SIAE: variants seen among roughly 807,000 people sequenced by gnomAD.
SIAE encodes sialate O-acetylesterase.
In SIAE, 39 loss-of-function variants were observed where a neutral mutation model predicts 52.6. That is an observed-to-expected ratio of 0.74 (90% CI 0.57 to 0.97). SIAE has a LOEUF of 0.97. SIAE is among the 50% of genes least tolerant of loss of function. SIAE has a pLI of 0.00. For synonymous variants in SIAE, 233 were observed against 241.4 expected, an observed-to-expected ratio of 0.97 and a Z score of 0.32; for missense variants, 592 against 662.1, an observed-to-expected ratio of 0.89 and a Z score of 1.16.
intron 4 of SIAE, chr11:124,654,347 G>A: frequency 1.0e-6 from 1 of 985,420 alleles, no homozygotes; most frequent in Non-Finnish European, 1.2e-6. Flanking sequence ...AGGGAAGAAA[G>A]AAGAGAGGAT....
chr11:124,644,369 A>C (rs1038079828), intron 7 of SIAE, among the ~76,000 whole-genome samples: 1 of 151,688 alleles, frequency 6.6e-6, no homozygotes, highest in Non-Finnish European at 1.5e-5. Context: ...AAAAAAAAAA[A>C]AAAAACTAGC....
Position 124,639,767 on chromosome 11 carries a change from G to A in SIAE, c.1067C>T (p.Pro356Leu), listed in dbSNP as rs1412618526. Reference sequence around the variant, plus strand: ...CATAGCTACAGCCATGAAAGTATTGGGCATCTTTGGGTTGGGGACATAGCC... The same window carrying A: ...CATAGCTACAGCCATGAAAGTATTGAGCATCTTTGGGTTGGGGACATAGCC... ...DFGYVPNPKM[P>L]NTFMAVAMDL... is the part of the protein sequence containing the mutation. The change falls in exon 8 of 10, where the codon CCC becomes CTC. Residue 356 changes from proline (P) to leucine (L), a missense_variant. Pro to Leu is a moderately conservative substitution (Grantham distance 98). Coordinates refer to ENST00000263593, the MANE Select transcript of SIAE (RefSeq NM_170601.5). The A allele has an allele frequency of 1.2e-5, 19 of 1,614,002 alleles. No homozygotes were observed. The highest frequency in any genetic ancestry group is 2.7e-5 in the African/African-American group (2 of 74,912).
chr11:124,663,748 G>A (rs1196238686), intron 2 of SIAE, among the ~76,000 whole-genome samples: 1 of 152,162 alleles, frequency 6.6e-6, no homozygotes, highest in Non-Finnish European at 1.5e-5. Flanking sequence ...TTCAGGACTG[G>A]TTGGTTGAAA....
At chr11:124,654,211 G>A (rs1943060659) in intron 4 of SIAE, 1 of 984,500 alleles carries the variant, frequency 1.0e-6, no homozygotes, top group Non-Finnish European at 1.2e-6. Flanking sequence ...GAAATGGAGA[G>A]CTCATGCTGA....
At chr11:124,640,338 A>C (rs1409137513) in intron 7 of SIAE, among the ~76,000 whole-genome samples, 1 of 152,206 alleles carries the variant, frequency 6.6e-6, no homozygotes, top group Non-Finnish European at 1.5e-5. Context: ...GTGTTCCAGC[A>C]ATCACAGATA....
chr11:124,665,754 G>A (rs1327119664), intron 2 of SIAE, among the ~76,000 whole-genome samples: 1 of 151,732 alleles, frequency 6.6e-6, no homozygotes, highest in African/African-American at 2.4e-5. Flanking sequence ...GGCAGGCAAA[G>A]GTTGCAGTGA....
rs574997911 is a variant in SIAE at position 124,636,335 on chromosome 11, A to C, written c.*616T>G. On this transcript the variant is annotated 3_prime_UTR_variant, in exon 10 of 10. Transcript: ENST00000263593. Reference sequence around the variant, plus strand: ...AAAGAGATCTGTCTTCAATTATCTGATAGTAGTAAAGTTTCACGGGAGAAA... The same window carrying C: ...AAAGAGATCTGTCTTCAATTATCTGCTAGTAGTAAAGTTTCACGGGAGAAA... 6.3e-6 allele frequency: 1 copy of C among 157,514 alleles called. No individual in the cohort carries two copies. Among genetic ancestry groups the C allele is most frequent in the African/African-American group, 2.4e-5 (1 of 41,596 alleles). The allele number at this position is 157,514 out of a possible 1,614,324, so 9.8% of individuals were successfully genotyped here. A position where few individuals can be genotyped will look rare whatever the true frequency, so the allele number is the denominator to read the frequency against.
At chr11:124,640,912 C>T (rs1273086223) in intron 7 of SIAE, among the ~76,000 whole-genome samples, 1 of 152,158 alleles carries the variant, frequency 6.6e-6, no homozygotes, top group East Asian at 1.9e-4. Context: ...ACAAGAGCGC[C>T]CCTGCTGACC....
chr11:124,654,876 C>T (rs2134374434), intron 3 of SIAE, 83 bp from the exon 4 acceptor site: 1 of 1,523,776 alleles, frequency 6.6e-7, no homozygotes, highest in Non-Finnish European at 9.1e-7. Flanking sequence ...GTCCTCTGAG[C>T]TCCTGAGCTT....
intron 6 of SIAE, 49 bp from the exon 7 acceptor site, chr11:124,647,547 T>C (rs781594920): frequency 8.6e-5 from 138 of 1,606,424 alleles, no homozygotes; most frequent in Non-Finnish European, 8.9e-5. Flanking sequence ...ACTGCAAAAA[T>C]GACCACACAT....
rs1943171923 is a variant in SIAE at position 124,660,612 on chromosome 11, A to G, written c.405+16T>C. 6.2e-7 allele frequency: 1 copy of G among 1,613,630 alleles called. No individual in the cohort carries two copies. The highest frequency in any genetic ancestry group is 8.5e-7 in the Non-Finnish European group (1 of 1,179,664). On this transcript the variant is annotated intron_variant, in intron 3 of 9. Coordinates refer to ENST00000263593, the MANE Select transcript of SIAE (RefSeq NM_170601.5). ...TCACCAACACTGTGTATTATTGCTGAGACTCTGCAAATTACCTGTAACACA... is the reference window on the plus strand; with the variant it reads ...TCACCAACACTGTGTATTATTGCTGGGACTCTGCAAATTACCTGTAACACA...
At chr11:124,657,174 A>G (rs1249087259) in intron 3 of SIAE, among the ~76,000 whole-genome samples, 1 of 152,224 alleles carries the variant, frequency 6.6e-6, no homozygotes, top group Non-Finnish European at 1.5e-5. Context: ...TTCTCAGGAC[A>G]GGTTACACAT....
At chr11:124,648,650 T>C (rs1942974931) in intron 5 of SIAE, among the ~76,000 whole-genome samples, 1 of 152,218 alleles carries the variant, frequency 6.6e-6, no homozygotes, top group Admixed American at 6.5e-5. Flanking sequence ...GAAATGAAAC[T>C]GCTGTGTCAA....
At chr11:124,673,851 T>C, upstream of SIAE, 2 of 780,278 alleles carry the variant, frequency 2.6e-6, no homozygotes, top group South Asian at 2.1e-5. Context: ...TACTCGCCCC[T>C]TCTCGGCCGC....
chr11:124,639,583 G>T, intron 8 of SIAE, 127 bp downstream of exon 8: 1 of 1,170,074 alleles, frequency 8.5e-7, no homozygotes, highest in Non-Finnish European at 1.3e-6. Context: ...TGTTACTGCA[G>T]CACACCCCAG....
intron 1 of SIAE, among the ~76,000 whole-genome samples, chr11:124,671,246 C>G (rs936357286): frequency 1.3e-5 from 2 of 152,152 alleles, no homozygotes; most frequent in Non-Finnish European, 2.9e-5. Context: ...TATTACTGAT[C>G]AAGTAACTGA....
chr11:124,636,677 A>G lies in SIAE; in HGVS notation c.*274T>C. On this transcript the variant is annotated 3_prime_UTR_variant, in exon 10 of 10. Transcript: ENST00000263593. The stretch of plus-strand genomic sequence containing the variant: ...TAGACATTTCACTCCCATTAATATG[A>G]GGGAAGTAAATGACATTGAGGTCCA... 2.1e-6 allele frequency: 1 copy of G among 486,016 alleles called. No individual in the cohort carries two copies. 30.1% of individuals were successfully genotyped at this position (486,016 alleles called of 1,614,324 possible). A position where few individuals can be genotyped will look rare whatever the true frequency, so the allele number is the denominator to read the frequency against.
chr11:124,657,328 A>C (rs2134377874), intron 3 of SIAE, among the ~76,000 whole-genome samples: 1 of 152,352 alleles, frequency 6.6e-6, no homozygotes, highest in African/African-American at 2.4e-5. Flanking sequence ...TTCAGCAGCA[A>C]GTACCTGTAA....
Position 124,669,509 on chromosome 11 carries a change from C to A in SIAE, c.80G>T (p.Arg27Leu). 1.2e-6 allele frequency: 2 copies of A among 1,613,796 alleles called. No homozygotes were observed. The highest frequency in any genetic ancestry group is 1.7e-6 in the Non-Finnish European group (2 of 1,180,010). ...WADRSAGIGF[R>L]FASYINNDMV... ...ATCATTATTGATGTATGAAGCAAAG[C>A]GAAAACCAATACCTAAAAAATTTAA... Residue 27 changes from arginine (R) to leucine (L), a missense_variant, in exon 2 of 10, where the codon CGC (arginine) becomes CTC (leucine). Physicochemically the swap from Arg to Leu is moderately radical, Grantham distance 102. Coordinates refer to ENST00000263593, the MANE Select transcript of SIAE (RefSeq NM_170601.5).
Sources: gnomAD v4.1 joint callset for allele counts (sites outside exome capture counted in the v4.1 genomes callset) on GRCh38, gnomAD v4.1.1 for gene constraint, MANE v1.5 for transcripts, NCBI Gene and HGNC (gene_info 2026-07-23, HGNC 2026-07-21) for gene names.